The following SDK2 variants were observed in gnomAD, a reference collection of about 807,000 sequenced individuals.
The protein encoded by SDK2 is protein sidekick-2.
Under a neutral mutation model 253.9 loss-of-function variants are expected in SDK2, and 105 were observed. The observed-to-expected ratio is 0.41, with a 90% confidence interval of 0.35 to 0.49. The LOEUF is 0.49. SDK2 is among the 20% of genes least tolerant of loss of function. The probability of loss-of-function intolerance (pLI) is 0.06; values close to 1 mark genes in which losing one functional copy is unlikely to be tolerated. For synonymous variants in SDK2, 1,249 were observed against 1,234.9 expected, an observed-to-expected ratio of 1.01 and a Z score of -0.24; for missense variants, 2,608 against 3,003.0, an observed-to-expected ratio of 0.87 and a Z score of 3.07.
At chr17:73,505,440 C>A (rs947177000) in intron 2 of SDK2, among the ~76,000 whole-genome samples, 1 of 152,132 alleles carries the variant, frequency 6.6e-6, no homozygotes, top group South Asian at 2.1e-4. Flanking sequence ...ATAAGAAATT[C>A]TTTTTCATTG....
Position 73,336,769 on chromosome 17 carries a change from G to A in SDK2, c.*1818C>T, listed in dbSNP as rs749475377. On this transcript the variant is annotated 3_prime_UTR_variant, in exon 45 of 45. Coordinates refer to ENST00000392650, the MANE Select transcript of SDK2 (RefSeq NM_001144952.2). Reference sequence around the variant, plus strand: ...TCATCTCTTGGGCAGGGCCAGCAGCGCCTGTACACAGTGCACAGAGGGAGC... The same window carrying A: ...TCATCTCTTGGGCAGGGCCAGCAGCACCTGTACACAGTGCACAGAGGGAGC... The A allele has an allele frequency of 5.2e-5, 8 of 152,638 alleles. No homozygotes were observed. The highest frequency in any genetic ancestry group is 8.8e-5 in the Non-Finnish European group (6 of 68,094). The allele number at this position is 152,638 out of a possible 1,614,324, so 9.5% of individuals were successfully genotyped here.
chr17:73,600,597 T>C (rs190613115), intron 1 of SDK2, among the ~76,000 whole-genome samples: 9 of 152,184 alleles, frequency 5.9e-5, no homozygotes, highest in Admixed American at 5.9e-4. Flanking sequence ...GCAGACAGTG[T>C]GGGGAGAGGC....
At chr17:73,510,771 C>A (rs903711038) in intron 1 of SDK2, among the ~76,000 whole-genome samples, 1 of 152,178 alleles carries the variant, frequency 6.6e-6, no homozygotes, top group Non-Finnish European at 1.5e-5. Context: ...TGGGATTAGA[C>A]GCCTGAGCCA....
chr17:73,579,438 C>G (rs2045502193), intron 1 of SDK2, among the ~76,000 whole-genome samples: 1 of 152,164 alleles, frequency 6.6e-6, no homozygotes, highest in South Asian at 2.1e-4. Context: ...ACTCAGGCTT[C>G]TCGCACGGTG....
intron 1 of SDK2, among the ~76,000 whole-genome samples, chr17:73,604,271 G>C (rs183470637): frequency 7.9e-5 from 12 of 152,366 alleles, no homozygotes; most frequent in Admixed American, 5.9e-4. Context: ...TTCCGGGCAG[G>C]GTGGAAAAGG....
At chr17:73,414,804 A>C (rs2063167061) in intron 17 of SDK2, 45 bp from the exon 18 acceptor site, 4 of 1,240,322 alleles carry the variant, frequency 3.2e-6, no homozygotes, top group Non-Finnish European at 4.7e-6. Context: ...GGGCCCAGTC[A>C]GTCTCTCTTG....
At chr17:73,355,175 T>TATATATA (rs1555750470) in intron 40 of SDK2, among the ~76,000 whole-genome samples, 19 of 15,714 alleles carry the variant, frequency 1.2e-3, no homozygotes, top group African/African-American at 3.0e-3. Flanking sequence ...TATATATATA[T>TATATATA]TTTTTTTTTT....
intron 44 of SDK2, among the ~76,000 whole-genome samples, chr17:73,345,258 G>A (rs567962384): frequency 2.6e-5 from 4 of 152,122 alleles, no homozygotes; most frequent in South Asian, 2.1e-4. Flanking sequence ...GGCAGAGATT[G>A]CAGTGAGCTG....
chr17:73,544,147 C>T (rs2044917684), intron 1 of SDK2, among the ~76,000 whole-genome samples: 1 of 152,192 alleles, frequency 6.6e-6, no homozygotes, highest in East Asian at 1.9e-4. Context: ...CCTGTATGTA[C>T]AAAGAGGCTT....
In SDK2 at chr17:73,394,281, G is replaced by A. The variant is rs1462037916; in HGVS notation, c.3636C>T (p.Thr1212=). ...GPTNVSALAT[T]SSSMLVRWSE... is the part of the protein sequence containing the mutation. ...TCCAGCGCACCAGCATGCTGCTGGA[G>A]GTGGTGGCCAGTGCAGACACATTGG... The change falls in exon 26 of 45, where the codon ACC becomes ACT. Residue 1212 remains threonine (T), a synonymous_variant. Coordinates refer to ENST00000392650, the MANE Select transcript of SDK2 (RefSeq NM_001144952.2). 1.2e-6 allele frequency: 2 copies of A among 1,602,768 alleles called. No homozygotes were observed. The highest frequency in any genetic ancestry group is 1.7e-6 in the Non-Finnish European group (2 of 1,172,904).
intron 12 of SDK2, among the ~76,000 whole-genome samples, chr17:73,425,150 G>C (rs943366151): frequency 3.9e-5 from 6 of 152,192 alleles, no homozygotes; most frequent in African/African-American, 1.4e-4. Flanking sequence ...AACCCGGGAA[G>C]TGGAGGTTGC....
At chr17:73,518,825 T>G (rs1234743749) in intron 1 of SDK2, 2 of 152,222 alleles carry the variant, frequency 1.3e-5, no homozygotes, top group African/African-American at 4.8e-5. Flanking sequence ...TTCCCCTCAG[T>G]GGCCCCAAGG....
At chr17:73,401,525 G>A (rs1057433806) in intron 20 of SDK2, 129 bp downstream of exon 20, 2 of 865,134 alleles carry the variant, frequency 2.3e-6, no homozygotes, top group Non-Finnish European at 3.8e-6. Flanking sequence ...TCCTGTGAGT[G>A]GTTTCTAAGA....
At chr17:73,463,878 G>A (rs975549296) in intron 3 of SDK2, among the ~76,000 whole-genome samples, 3 of 152,146 alleles carry the variant, frequency 2.0e-5, no homozygotes. Flanking sequence ...TATGTGCCTA[G>A]AAATGGAATT....
chr17:73,643,961 G>GC lies in SDK2; in HGVS notation c.64+63dup. On this transcript the variant is annotated intron_variant, in intron 1 of 44. Transcript: ENST00000392650. This position sits in a 1 kb window ranked among gnomAD's most constrained non-coding sequence, Gnocchi z 6.9. ...GTCACCGTGAGGCCGGCCAGCTCCCGCCGCCCCTCCCCCGCCCACTCTCCC... is the reference window on the plus strand; with the variant it reads ...GTCACCGTGAGGCCGGCCAGCTCCCGCCCGCCCCTCCCCCGCCCACTCTCCC... 4 of 514,824 alleles carry GC rather than the reference G, an allele frequency of 7.8e-6. No homozygotes were observed. Among genetic ancestry groups the GC allele is most frequent in the Admixed American group, 2.5e-5 (1 of 40,750 alleles). 31.9% of individuals were successfully genotyped at this position (514,824 alleles called of 1,614,324 possible). A position where few individuals can be genotyped will look rare whatever the true frequency, so the allele number is the denominator to read the frequency against.
chr17:73,457,275 CTT>C (rs1425530271), intron 3 of SDK2, among the ~76,000 whole-genome samples: 714 of 54,860 alleles, frequency 0.013, 38 homozygotes, highest in East Asian at 0.1. Flanking sequence ...TCCTTCCTTC[CTT>C]CCTTCCTTCC....
At chr17:73,613,117 A>G (rs1209819946) in intron 1 of SDK2, among the ~76,000 whole-genome samples, 1 of 152,208 alleles carries the variant, frequency 6.6e-6, no homozygotes, top group South Asian at 2.1e-4. Flanking sequence ...ACAAAGCGGC[A>G]CGAGAGATTT....
At chr17:73,542,180 G>C (rs1176253997) in intron 1 of SDK2, among the ~76,000 whole-genome samples, 1 of 152,234 alleles carries the variant, frequency 6.6e-6, no homozygotes, top group Non-Finnish European at 1.5e-5. Flanking sequence ...TCTGGGGGCT[G>C]TGCCTCTCTG....
intron 16 of SDK2, among the ~76,000 whole-genome samples, chr17:73,418,575 C>A (rs1009848114): frequency 6.6e-6 from 1 of 152,128 alleles, no homozygotes; most frequent in African/African-American, 2.4e-5. Flanking sequence ...CATTTTGTAG[C>A]CAGAATCTAG....
Sources: gnomAD v4.1 joint callset for allele counts (sites outside exome capture counted in the v4.1 genomes callset) on GRCh38, gnomAD v4.1.1 for gene constraint, Gnocchi (gnomAD v3.1) non-coding constraint, MANE v1.5 for transcripts, NCBI Gene and HGNC (gene_info 2026-07-23, HGNC 2026-07-21) for gene names.